EXOC3: variants seen among roughly 807,000 people sequenced by gnomAD.
EXOC3 encodes the protein exocyst complex component 3.
EXOC3 carries 21 observed loss-of-function variants against 73.7 expected under a neutral mutation model. That is an observed-to-expected ratio of 0.29 (90% CI 0.20 to 0.41). The LOEUF (loss-of-function observed/expected upper bound fraction) is 0.41, where lower values mean the gene tolerates loss of function less well. Ranked by LOEUF, EXOC3 falls within the 10% of genes least tolerant of loss-of-function variation. The probability of loss-of-function intolerance (pLI) is 1.00; values close to 1 mark genes in which losing one functional copy is unlikely to be tolerated. For missense variants in EXOC3, 842 were observed against 985.1 expected, an observed-to-expected ratio of 0.85 and a Z score of 1.95; for synonymous variants, 410 against 389.1, an observed-to-expected ratio of 1.05 and a Z score of -0.63.
chr5:454,778 A>G (rs1737755152), intron 4 of EXOC3, among the ~76,000 whole-genome samples: 1 of 152,122 alleles, frequency 6.6e-6, no homozygotes. Context: ...TGGTTAGAAA[A>G]TAATATTAAG....
rs1370480717 is a variant in EXOC3 at position 447,606 on chromosome 5, A to G, written c.218A>G (p.Lys73Arg). 5.7e-6 allele frequency: 9 copies of G among 1,589,390 alleles called. No individual in the cohort carries two copies. Among genetic ancestry groups the G allele is most frequent in the Non-Finnish European group, 6.9e-6 (8 of 1,167,812 alleles). Reference sequence around the variant, plus strand: ...CTCCACAACGCCCTGAATGACGTCAAAGACATCCAGCAGTCGCTGGCAGAC... The same window carrying G: ...CTCCACAACGCCCTGAATGACGTCAGAGACATCCAGCAGTCGCTGGCAGAC... ...SQLHNALNDV[K>R]DIQQSLADVS... The change falls in exon 3 of 13, where the codon AAA becomes AGA. Residue 73 changes from lysine to arginine, a missense_variant. Physicochemically the swap from Lys to Arg is conservative, Grantham distance 26. Transcript: ENST00000512944.
chr5:444,444 GC>G, intron 1 of EXOC3, among the ~76,000 whole-genome samples: 1 of 152,360 alleles, frequency 6.6e-6, no homozygotes, highest in South Asian at 2.1e-4. Flanking sequence ...GATGGGCGCA[GC>G]CACCTCACCG....
chr5:450,247 AAAAACAAAAC>A (rs796575547), intron 3 of EXOC3, among the ~76,000 whole-genome samples: 3 of 152,220 alleles, frequency 2.0e-5, no homozygotes, highest in South Asian at 2.1e-4. Context: ...ACTTCATCTG[AAAAACAAAAC>A]AAAACAAAAC....
chr5:466,613 CG>C, intron 12 of EXOC3, 113 bp from the exon 13 acceptor site: 2 of 969,626 alleles, frequency 2.1e-6, no homozygotes, highest in Non-Finnish European at 3.0e-6. Flanking sequence ...TTGTCTGCAG[CG>C]GTCCTCACCC....
chr5:457,268 G>A, intron 5 of EXOC3: 1 of 490,256 alleles, frequency 2.0e-6, no homozygotes, highest in South Asian at 2.2e-5. Context: ...GCTGGCCAGG[G>A]CCCAGAACGT....
chr5:451,415 A>G (rs533593939), intron 3 of EXOC3, among the ~76,000 whole-genome samples: 15 of 152,338 alleles, frequency 9.8e-5, no homozygotes, highest in Admixed American at 2.0e-4. Context: ...TTGTTTTTTA[A>G]TGCATTCATT....
chr5:452,242 G>C (rs533971834), intron 3 of EXOC3, among the ~76,000 whole-genome samples: 1 of 152,166 alleles, frequency 6.6e-6, no homozygotes, highest in African/African-American at 2.4e-5. Flanking sequence ...TTCTGTTCCG[G>C]ATACTTGATA....
intron 4 of EXOC3, among the ~76,000 whole-genome samples, chr5:455,882 G>A (rs1737795982): frequency 1.3e-5 from 2 of 152,254 alleles, no homozygotes; most frequent in African/African-American, 4.8e-5. Context: ...GGGATTACAG[G>A]CGTGAGCCAC....
chr5:464,434 C>T (rs1738076000), intron 10 of EXOC3, 22 bp downstream of exon 10: 2 of 1,611,086 alleles, frequency 1.2e-6, no homozygotes, highest in Non-Finnish European at 8.5e-7. Context: ...GGACCTAGTT[C>T]CCTCATCACC....
rs1247430813 is a variant in EXOC3 at position 459,182 on chromosome 5, T to C, written c.1291-177T>C. 5.6e-3 allele frequency among the ~76,000 whole-genome samples: 187 copies of C among 33,418 alleles called. No individual in the cohort carries two copies. In the African/African-American group the frequency reaches 0.071, roughly 13 times the overall value. The allele number at this position is 33,418 out of a possible 152,430, so 21.9% of individuals were successfully genotyped here. ...GTACTTTCCCAGGTGAGAAAGTTGT[T>C]TTTTTTTTTTTTAAACTAACTTTGT... On this transcript the variant is annotated intron_variant, in intron 6 of 12. Transcript: ENST00000512944.
intron 3 of EXOC3, among the ~76,000 whole-genome samples, chr5:452,584 T>TG (rs1312698230): frequency 6.6e-6 from 1 of 152,238 alleles, no homozygotes; most frequent in African/African-American, 2.4e-5. Context: ...GGGTGCCTTG[T>TG]GATGTTTTTG....
At chr5:464,903 C>T (rs976117112) in intron 10 of EXOC3, 3 of 603,566 alleles carry the variant, frequency 5.0e-6, no homozygotes, top group East Asian at 5.8e-5. Context: ...CGGAGCTGGC[C>T]TGGTGCGGGG....
intron 4 of EXOC3, 74 bp from the exon 5 acceptor site, chr5:456,815 C>T: frequency 8.8e-7 from 1 of 1,134,224 alleles, no homozygotes; most frequent in Non-Finnish European, 1.3e-6. Flanking sequence ...TCAAGTGAAA[C>T]AGTCTCGGCA....
intron 6 of EXOC3, among the ~76,000 whole-genome samples, 198 bp from the exon 7 acceptor site, chr5:459,161 T>C (rs1452540354): frequency 6.7e-6 from 1 of 149,964 alleles, no homozygotes; most frequent in Non-Finnish European, 1.5e-5. Flanking sequence ...CACTTGGTAC[T>C]TTCCCAGGTG....
rs182213048 is a variant in EXOC3 at position 464,183 on chromosome 5, G to A, written c.1654-107G>A. ...GAAGTGCCTCCCTCCCACACTGCAC[G>A]CAGCTCTCGTGGGGCGTTGAGGTGA... is the stretch of plus-strand genomic sequence containing the variant. On this transcript the variant is annotated intron_variant, in intron 9 of 12. Transcript: ENST00000512944. 562 of 1,078,412 alleles carry A rather than the reference G, an allele frequency of 5.2e-4. 3 individuals are homozygous for A. The highest frequency in any genetic ancestry group is 5.0e-3 in the East Asian group (185 of 36,770). 66.8% of individuals were successfully genotyped at this position (1,078,412 alleles called of 1,614,324 possible).
chr5:448,037 G>C (rs1021690822), intron 3 of EXOC3, among the ~76,000 whole-genome samples: 11 of 152,214 alleles, frequency 7.2e-5, no homozygotes, highest in African/African-American at 2.7e-4. Context: ...TCGTTCCCTT[G>C]CTTGCGATGT....
chr5:451,314 C>T (rs1737654051), intron 3 of EXOC3, among the ~76,000 whole-genome samples: 1 of 152,144 alleles, frequency 6.6e-6, no homozygotes, highest in Admixed American at 6.5e-5. Flanking sequence ...AAAAACCGTC[C>T]CTATATGGCT....
At chr5:455,302 T>G (rs1737777251) in intron 4 of EXOC3, among the ~76,000 whole-genome samples, 1 of 152,196 alleles carries the variant, frequency 6.6e-6, no homozygotes, top group African/African-American at 2.4e-5. Context: ...CCTTGCACAG[T>G]TTGTGTCTTG....
Position 447,585 on chromosome 5 carries a change from A to T in EXOC3, c.197A>T (p.His66Leu). The change falls in exon 3 of 13, where the codon CAC becomes CTC. Residue 66 changes from histidine (H) to leucine (L), a missense_variant. His to Leu is a moderately conservative substitution (Grantham distance 99). Transcript: ENST00000512944. ...DGVRTGLSQL[H>L]NALNDVKDIQ... The stretch of plus-strand genomic sequence containing the variant: ...GTGCGCACAGGCCTCAGCCAGCTCC[A>T]CAACGCCCTGAATGACGTCAAAGAC... 1 of 1,591,608 alleles carries T rather than the reference A, an allele frequency of 6.3e-7. No individual in the cohort carries two copies. The highest frequency in any genetic ancestry group is 1.1e-5 in the South Asian group (1 of 87,406).
Sources: allele counts gnomAD v4.1 joint callset (sites outside exome capture counted in the v4.1 genomes callset), GRCh38; gene constraint gnomAD v4.1.1; transcripts MANE v1.5; gene names NCBI Gene and HGNC (gene_info 2026-07-23, HGNC 2026-07-21).